The following SUN5 variants were observed in gnomAD, a reference collection of about 807,000 sequenced individuals.
The protein encoded by SUN5 is SUN domain-containing protein 5.
In SUN5, 44 loss-of-function variants were observed where a neutral mutation model predicts 53.7. That is an observed-to-expected ratio of 0.82 (90% CI 0.64 to 1.05). The LOEUF is 1.05. SUN5 is among the 50% of genes least tolerant of loss of function. The pLI is 0.00. For missense variants in SUN5, 433 were observed against 483.8 expected (o/e 0.90, Z 0.98); for synonymous variants, 166 against 179.8 (o/e 0.92, Z 0.62).
intron 10 of SUN5, 122 bp from the exon 11 acceptor site, chr20:32,986,025 G>C: frequency 8.7e-7 from 1 of 1,148,024 alleles, no homozygotes; most frequent in Non-Finnish European, 1.2e-6. Context: ...CCAAAGCTTG[G>C]CTCAAGTGCC....
chr20:32,989,445 A>G (rs984958795), intron 9 of SUN5, among the ~76,000 whole-genome samples, 175 bp downstream of exon 9: 1 of 5,288 alleles, frequency 1.9e-4, no homozygotes, highest in Non-Finnish European at 4.0e-4. Context: ...CCCATACCCC[A>G]CCCCGTCCCA....
At chr20:32,998,284 C>T (rs565360290) in intron 5 of SUN5, among the ~76,000 whole-genome samples, 4 of 151,686 alleles carry the variant, frequency 2.6e-5, no homozygotes, top group Admixed American at 2.0e-4. Flanking sequence ...GCCAGGAAGT[C>T]GAGGCTGCAG....
intron 9 of SUN5, among the ~76,000 whole-genome samples, chr20:32,988,151 G>C (rs1407521403): frequency 6.6e-6 from 1 of 152,106 alleles, no homozygotes; most frequent in Non-Finnish European, 1.5e-5. Flanking sequence ...TGAATCATCA[G>C]AGCACGTTTC....
At chr20:33,000,957 C>T (rs1184755623) in intron 4 of SUN5, among the ~76,000 whole-genome samples, 1 of 152,010 alleles carries the variant, frequency 6.6e-6, no homozygotes, top group African/African-American at 2.4e-5. Context: ...CCAATGGGTC[C>T]CTGGCAGGAA....
intron 12 of SUN5, 72 bp downstream of exon 12, chr20:32,985,027 G>A (rs1295655003): frequency 6.7e-7 from 1 of 1,500,034 alleles, no homozygotes; most frequent in East Asian, 2.3e-5. Context: ...GGGATGAAGA[G>A]GGGGTCCCTG....
intron 9 of SUN5, among the ~76,000 whole-genome samples, chr20:32,988,909 T>TTTA (rs1989623168): frequency 6.7e-6 from 1 of 148,694 alleles, no homozygotes; most frequent in African/African-American, 2.5e-5. Flanking sequence ...GATTCTTTTT[T>TTTA]TTATTATTAT....
At chr20:32,995,543 A>G in intron 8 of SUN5, 76 bp downstream of exon 8, 1 of 1,274,280 alleles carries the variant, frequency 7.8e-7, no homozygotes, top group South Asian at 1.3e-5. Flanking sequence ...ACCAAGAAAG[A>G]ACACTTGAGG....
rs142848733 is a variant in SUN5 at position 32,991,933 on chromosome 20, G to A, written c.535-2235C>T. ...GCACAGGAGAGGAGAAAACCAGGCT[G>A]CTGCGTATGGTTGTGCACGTTGCGC... On this transcript the variant is annotated intron_variant, in intron 8 of 12. Coordinates refer to ENST00000356173, the MANE Select transcript of SUN5 (RefSeq NM_080675.4). 3.7e-3 allele frequency among the ~76,000 whole-genome samples: 560 copies of A among 152,330 alleles called. 30 individuals carry two copies. In the East Asian group the frequency reaches 0.091, roughly 25 times the overall value.
At chr20:32,998,711 G>A (rs1264035694) in intron 5 of SUN5, among the ~76,000 whole-genome samples, 1 of 151,976 alleles carries the variant, frequency 6.6e-6, no homozygotes, top group African/African-American at 2.4e-5. Flanking sequence ...GTTCTAGCCA[G>A]GCCAGTTAGT....
At chr20:32,996,849 C>A (rs867302967) in intron 6 of SUN5, among the ~76,000 whole-genome samples, 3 of 152,308 alleles carry the variant, frequency 2.0e-5, no homozygotes, top group Admixed American at 2.0e-4. Context: ...ATCCAACCTT[C>A]CATCTGTCCA....
At position 32,992,550 on chromosome 20, in the gene SUN5, G is replaced by A. The variant is rs62207488; in HGVS notation, c.535-2852C>T. Among the ~76,000 whole-genome samples, 530 of 151,350 alleles carry A rather than the reference G, an allele frequency of 3.5e-3. 3 individuals carry two copies. Among genetic ancestry groups the A allele is most frequent in the Middle Eastern group, 0.014 (4 of 294 alleles). On this transcript the variant is annotated intron_variant, in intron 8 of 12. Transcript: ENST00000356173. ...AAGGGCTCTGTTGGGACAGGTGAAG[G>A]TTTCTTAAATAGGATACCCAAAGCA...
chr20:32,984,136 C>T (rs1989470284), intron 12 of SUN5, among the ~76,000 whole-genome samples, 187 bp from the exon 13 acceptor site: 1 of 152,186 alleles, frequency 6.6e-6, no homozygotes, highest in Non-Finnish European at 1.5e-5. Flanking sequence ...GATGCTGAGG[C>T]CAGAAGGACA....
chr20:33,002,588 C>A lies in SUN5; in HGVS notation c.210G>T (p.Val70=), dbSNP rs778468805. ...LGLTQCMLGC[V]SWFTCFACSL... is the part of the protein sequence containing the mutation. ...GGTGATTATTCAGTATATACGTACACACACATCCCAGCATGCACTGAGTCA... is the reference window on the plus strand; with the variant it reads ...GGTGATTATTCAGTATATACGTACAAACACATCCCAGCATGCACTGAGTCA... Residue 70 remains valine (V), a splice_region_variant and synonymous_variant, in exon 3 of 13, where the codon GTG becomes GTT. Coordinates refer to ENST00000356173, the MANE Select transcript of SUN5 (RefSeq NM_080675.4). 9.3e-6 allele frequency: 15 copies of A among 1,614,204 alleles called. No homozygotes were observed. The highest frequency in any genetic ancestry group is 1.3e-5 in the Non-Finnish European group (15 of 1,180,008).
intron 10 of SUN5, among the ~76,000 whole-genome samples, chr20:32,987,240 C>G (rs1989568648): frequency 6.6e-6 from 1 of 152,196 alleles, no homozygotes; most frequent in Non-Finnish European, 1.5e-5. Context: ...TGGCCACAGT[C>G]AAGTGACCTG....
chr20:32,988,289 T>C (rs1443633458), intron 9 of SUN5, among the ~76,000 whole-genome samples: 1 of 152,212 alleles, frequency 6.6e-6, no homozygotes, highest in Non-Finnish European at 1.5e-5. Flanking sequence ...ACTCAGGGGC[T>C]GGGCTGACAC....
In SUN5 at chr20:32,985,810, T is replaced by C; in HGVS notation, c.823A>G (p.Thr275Ala). The change falls in exon 11 of 13, where the codon ACG becomes GCG. Residue 275 changes from threonine (T) to alanine (A), a missense_variant. Physicochemically the swap from Thr to Ala is moderately conservative, Grantham distance 58. Coordinates refer to ENST00000356173, the MANE Select transcript of SUN5 (RefSeq NM_080675.4). Reference protein sequence around the residue: ...LAQKVYLSNLTLQHIPKTISL... With the variant: ...LAQKVYLSNLALQHIPKTISL... ...ATGGTCTTGGGGATGTGCTGCAGCG[T>C]GAGGTTGGACAGGTAAACCTTCTGA... The C allele has an allele frequency of 1.2e-6, 2 of 1,614,118 alleles. No homozygotes were observed. Among genetic ancestry groups the C allele is most frequent in the Non-Finnish European group, 1.7e-6 (2 of 1,179,990 alleles).
intron 6 of SUN5, 122 bp from the exon 7 acceptor site, chr20:32,996,480 C>T: frequency 1.3e-6 from 1 of 776,278 alleles, no homozygotes; most frequent in Non-Finnish European, 2.1e-6. Flanking sequence ...TTCCTGTTGA[C>T]TCTTCCACCC....
intron 5 of SUN5, chr20:32,999,773 G>T: frequency 4.0e-6 from 3 of 758,590 alleles, no homozygotes; most frequent in African/African-American, 1.8e-5. Context: ...GCTTGGGAAA[G>T]CTAAGCTGTG....
intron 10 of SUN5, 71 bp from the exon 11 acceptor site, chr20:32,985,974 A>G (rs1038672604): frequency 1.3e-6 from 2 of 1,515,306 alleles, no homozygotes; most frequent in Non-Finnish European, 1.8e-6. Flanking sequence ...GATCCCCTGT[A>G]CTTCCTGGGA....
Sources: allele counts gnomAD v4.1 joint callset (sites outside exome capture counted in the v4.1 genomes callset), GRCh38; gene constraint gnomAD v4.1.1; transcripts MANE v1.5; gene names NCBI Gene and HGNC (gene_info 2026-07-23, HGNC 2026-07-21).